UBE3B: variants seen among roughly 807,000 people sequenced by gnomAD.
UBE3B encodes ubiquitin protein ligase E3B, also known as ubiquitin-protein ligase E3B.
In UBE3B, 80 loss-of-function variants were observed where a neutral mutation model predicts 132.3. The observed-to-expected ratio is 0.60, with a 90% CI of 0.50 to 0.73. The LOEUF (loss-of-function observed/expected upper bound fraction) is 0.73. Among genes scored for constraint, UBE3B ranks in the 30% least tolerant of loss-of-function variants. UBE3B has a pLI of 0.00. For synonymous variants in UBE3B, 487 were observed against 520.4 expected, an observed-to-expected ratio of 0.94 and a Z score of 0.87; for missense variants, 1,196 against 1,362.5, an observed-to-expected ratio of 0.88 and a Z score of 1.92.
At chr12:109,504,195 G>A (rs1305728394) in intron 14 of UBE3B, among the ~76,000 whole-genome samples, 3 of 152,214 alleles carry the variant, frequency 2.0e-5, no homozygotes, top group Non-Finnish European at 4.4e-5. Flanking sequence ...TTGTCATGAG[G>A]GGCTGTCTTG....
chr12:109,499,880 C>A, intron 12 of UBE3B, 70 bp downstream of exon 12: 1 of 1,387,570 alleles, frequency 7.2e-7, no homozygotes, highest in Non-Finnish European at 9.5e-7. Context: ...TTCTTTCTTT[C>A]TTCCAGCTTG....
At chr12:109,519,155 G>A (rs1881406870) in intron 19 of UBE3B, among the ~76,000 whole-genome samples, 1 of 152,180 alleles carries the variant, frequency 6.6e-6, no homozygotes, top group Non-Finnish European at 1.5e-5. Flanking sequence ...CCTTTCCCCT[G>A]TCTCTGTCAA....
chr12:109,521,714 A>G lies in UBE3B; in HGVS notation c.2364+163A>G, dbSNP rs1320695354. Among the ~76,000 whole-genome samples the G allele has an allele frequency of 1.3e-5, 2 of 152,240 alleles. No individual in the cohort carries two copies. Among genetic ancestry groups the G allele is most frequent in the South Asian group, 2.1e-4 (1 of 4,834 alleles). On this transcript the variant is annotated intron_variant, in intron 21 of 27. Coordinates refer to ENST00000342494, the MANE Select transcript of UBE3B (RefSeq NM_130466.4). The surrounding 1 kb of genome is among the most constrained non-coding windows in gnomAD (Gnocchi z 4.2). ...GGTTTGTTGTACACCAGTGCTAGGT[A>G]CTTTGCCTGTGGCATCTCATCTCAT...
At chr12:109,504,341 G>A (rs895564947) in intron 14 of UBE3B, among the ~76,000 whole-genome samples, 2 of 152,218 alleles carry the variant, frequency 1.3e-5, no homozygotes, top group African/African-American at 4.8e-5. Flanking sequence ...AATCATTCCT[G>A]GTTGAAAGCC....
At chr12:109,512,051 G>C (rs1208471174) in intron 18 of UBE3B, among the ~76,000 whole-genome samples, 1 of 152,146 alleles carries the variant, frequency 6.6e-6, no homozygotes, top group African/African-American at 2.4e-5. Context: ...AGCAGGACTG[G>C]GACATGGCGG....
At chr12:109,496,578 C>G (rs1269585277) in intron 9 of UBE3B, among the ~76,000 whole-genome samples, 11 of 152,184 alleles carry the variant, frequency 7.2e-5, no homozygotes, top group Non-Finnish European at 2.9e-5. Context: ...TTTAGCCATC[C>G]CAGTGGCTGT....
rs1047434365 is a variant in UBE3B at position 109,533,283 on chromosome 12, G to A, written c.2923-183G>A. On this transcript the variant is annotated intron_variant, in intron 26 of 27. Coordinates refer to ENST00000342494, the MANE Select transcript of UBE3B (RefSeq NM_130466.4). ...CTTAGTCCCCGAGAGCAGCACCCTT[G>A]AGAGAGATGTACGGCGTGTGCCAGT... 4.5e-4 allele frequency among the ~76,000 whole-genome samples: 68 copies of A among 152,114 alleles called. 1 individual carries two copies. The highest frequency in any genetic ancestry group is 4.4e-3 in the Admixed American group (67 of 15,274).
intron 24 of UBE3B, among the ~76,000 whole-genome samples, chr12:109,527,374 A>G (rs1426684717): frequency 6.6e-6 from 1 of 152,200 alleles, no homozygotes; most frequent in Non-Finnish European, 1.5e-5. Flanking sequence ...TTGTCAGTTT[A>G]TCAATCTCCC....
intron 19 of UBE3B, 121 bp downstream of exon 19, chr12:109,517,005 C>T (rs1465110203): frequency 3.6e-6 from 5 of 1,407,858 alleles, no homozygotes; most frequent in Non-Finnish European, 2.8e-6. Context: ...GAAATTAAGG[C>T]TCTGGGAGCA....
At chr12:109,480,686 G>A (rs1875230731) in intron 1 of UBE3B, among the ~76,000 whole-genome samples, 1 of 151,574 alleles carries the variant, frequency 6.6e-6, no homozygotes, top group Admixed American at 6.6e-5. Flanking sequence ...TCTCCCTATA[G>A]TATGTGGCAG....
chr12:109,524,936 G>A (rs189230307), intron 23 of UBE3B, among the ~76,000 whole-genome samples: 6 of 151,908 alleles, frequency 3.9e-5, no homozygotes, highest in Non-Finnish European at 8.8e-5. Flanking sequence ...TCTCAGGGCC[G>A]CAGCACGTCT....
intron 9 of UBE3B, among the ~76,000 whole-genome samples, chr12:109,496,204 A>G (rs1292789246): frequency 2.6e-5 from 4 of 152,238 alleles, no homozygotes; most frequent in Admixed American, 2.6e-4. Context: ...CACTTTGCGT[A>G]ATATAATCAG....
At chr12:109,486,739 G>A (rs919782482) in intron 6 of UBE3B, among the ~76,000 whole-genome samples, 164 bp downstream of exon 6, 1 of 152,118 alleles carries the variant, frequency 6.6e-6, no homozygotes, top group African/African-American at 2.4e-5. Flanking sequence ...ATCAATATGA[G>A]CCCTCCTTTG....
chr12:109,497,989 G>A (rs767507051), intron 10 of UBE3B, 66 bp downstream of exon 10: 292 of 1,554,994 alleles, frequency 1.9e-4, no homozygotes, highest in Non-Finnish European at 2.5e-4. Context: ...TTAAACATTA[G>A]AAAGTAAAAT....
intron 4 of UBE3B, among the ~76,000 whole-genome samples, chr12:109,484,531 A>G (rs1168353763): frequency 1.3e-5 from 2 of 151,974 alleles, no homozygotes; most frequent in East Asian, 3.9e-4. Context: ...ATCTGGAACT[A>G]TAGGCTCGTG....
In UBE3B at chr12:109,481,703, A is replaced by ATGAT. The variant is rs1293980530; in HGVS notation, c.-59_-56dup. The ATGAT allele has an allele frequency of 6.6e-6, 1 of 152,200 alleles. No homozygotes were observed. Among genetic ancestry groups the ATGAT allele is most frequent in the Non-Finnish European group, 1.5e-5 (1 of 68,038 alleles). 9.4% of individuals were successfully genotyped at this position (152,200 alleles called of 1,614,324 possible). ...CCACGAGTCCTGTGCAAGATCACTA[A>ATGAT]TGATTACCTGGCATTTCTGCGACAC... On this transcript the variant is annotated 5_prime_UTR_variant, in exon 2 of 28. Coordinates refer to ENST00000342494, the MANE Select transcript of UBE3B (RefSeq NM_130466.4).
intron 22 of UBE3B, 81 bp downstream of exon 22, chr12:109,524,196 G>A: frequency 6.3e-7 from 1 of 1,577,626 alleles, no homozygotes; most frequent in Non-Finnish European, 8.6e-7. Flanking sequence ...GAGATGGCCT[G>A]TCCTCTCTTA....
chr12:109,489,072 C>T (rs1218758555), intron 7 of UBE3B, among the ~76,000 whole-genome samples: 1 of 152,124 alleles, frequency 6.6e-6, no homozygotes, highest in East Asian at 1.9e-4. Flanking sequence ...TCGTTAGTGC[C>T]GTGTGTTTCA....
the UBE3B span, among the ~76,000 whole-genome samples, chr12:109,541,931 T>C: frequency 6.6e-6 from 1 of 152,160 alleles, no homozygotes; most frequent in Non-Finnish European, 1.5e-5. Flanking sequence ...CCCAAGATGA[T>C]CTCATCTTGT....
Sources: allele counts gnomAD v4.1 joint callset (sites outside exome capture counted in the v4.1 genomes callset), GRCh38; gene constraint gnomAD v4.1.1; non-coding constraint Gnocchi (gnomAD v3.1); transcripts MANE v1.5; gene names NCBI Gene and HGNC (gene_info 2026-07-23, HGNC 2026-07-21).